ANAPC7: variants seen among roughly 807,000 people sequenced by gnomAD.
ANAPC7 encodes anaphase-promoting complex subunit 7.
A neutral mutation model predicts 63.3 loss-of-function variants in ANAPC7; 25 were observed. The observed-to-expected ratio is 0.39, with a 90% confidence interval of 0.29 to 0.55. The LOEUF (loss-of-function observed/expected upper bound fraction) is 0.55, where lower values mean the gene tolerates loss of function less well. Ranked by LOEUF, ANAPC7 falls within the 20% of genes least tolerant of loss-of-function variation. The pLI is 0.57. For synonymous variants in ANAPC7, 241 were observed against 251.7 expected (o/e 0.96, Z 0.40); for missense variants, 516 against 691.7 (o/e 0.75, Z 2.85).
rs189603285 is a variant in ANAPC7 at position 110,381,104 on chromosome 12, A to G, written c.1132+648T>C. Among the ~76,000 whole-genome samples the G allele has an allele frequency of 2.6e-5, 4 of 151,772 alleles. No individual in the cohort carries two copies. The East Asian group carries it at 5.8e-4, about 22-fold the overall frequency. ...CAACTATACCCTCACCAAAAACCAG[A>G]AAAAAAATCAGAAAAAATGGATTAT... On this transcript the variant is annotated intron_variant, in intron 8 of 10. Transcript: ENST00000455511.
At chr12:110,389,192 T>C (rs1485794058) in intron 3 of ANAPC7, among the ~76,000 whole-genome samples, 1 of 151,458 alleles carries the variant, frequency 6.6e-6, no homozygotes, top group Non-Finnish European at 1.5e-5. Flanking sequence ...GGCCCAGTAA[T>C]ATCTGAACAA....
At chr12:110,382,459 AAAATATATATATATATATAT>A (rs1210523559) in intron 7 of ANAPC7, among the ~76,000 whole-genome samples, 2 of 51,984 alleles carry the variant, frequency 3.8e-5, no homozygotes, top group Admixed American at 5.5e-4. Context: ...AAAAAAAAAA[AAAATATATATATATATATAT>A]ATATATATAT....
chr12:110,384,206 ATAAAATAAAATAAAG>A (rs995949328), intron 6 of ANAPC7, among the ~76,000 whole-genome samples: 27 of 151,916 alleles, frequency 1.8e-4, no homozygotes, highest in Admixed American at 7.2e-4. Context: ...TGTCTAAAAC[ATAAAATAAAATAAAG>A]TAAAATAAAA....
At chr12:110,402,165 G>T (rs1045061368) in intron 1 of ANAPC7, among the ~76,000 whole-genome samples, 2 of 151,876 alleles carry the variant, frequency 1.3e-5, no homozygotes, top group African/African-American at 4.8e-5. Context: ...ACAGAGCGAG[G>T]CTGTCTCAAA....
chr12:110,391,853 G>T (rs1883110289), intron 3 of ANAPC7, among the ~76,000 whole-genome samples: 1 of 152,130 alleles, frequency 6.6e-6, no homozygotes. Context: ...CCAGCACTTT[G>T]GGAGGCCAAG....
chr12:110,383,049 A>G (rs900543735), intron 6 of ANAPC7, 89 bp from the exon 7 acceptor site: 1 of 917,544 alleles, frequency 1.1e-6, no homozygotes. Flanking sequence ...ATCAGACCCC[A>G]TGCTGAGGCC....
Position 110,381,972 on chromosome 12 carries a change from A to C in ANAPC7, c.936-24T>G, listed in dbSNP as rs74361481. On this transcript the variant is annotated intron_variant, in intron 7 of 10. Transcript: ENST00000455511. ...AGCTGGAGAAAAAAAAAAAAAAAAA[A>C]ACACAAAAACCCCAGAAGTTATCCA... is the stretch of plus-strand genomic sequence containing the variant. 1,317 of 1,471,936 alleles carry C rather than the reference A, an allele frequency of 8.9e-4. 15 individuals are homozygous for C. The African/African-American group carries it at 0.017, about 19-fold the overall frequency. The allele number at this position is 1,471,936 out of a possible 1,614,324, so 91.2% of individuals were successfully genotyped here. A position where few individuals can be genotyped will look rare whatever the true frequency, so the allele number is the denominator to read the frequency against.
rs748963334 is a variant in ANAPC7 at position 110,374,143 on chromosome 12, C to T, written c.*1G>A. On this transcript the variant is annotated 3_prime_UTR_variant, in exon 11 of 11. Coordinates refer to ENST00000455511, the MANE Select transcript of ANAPC7 (RefSeq NM_016238.3). Reference sequence around the variant, plus strand: ...ACTGCGGCCATGGAGCTGCCGCCCCCTCACTGCATGCCGAACCACTGCTCC... The same window carrying T: ...ACTGCGGCCATGGAGCTGCCGCCCCTTCACTGCATGCCGAACCACTGCTCC... The T allele has an allele frequency of 6.2e-7, 1 of 1,607,694 alleles. No individual in the cohort carries two copies. Among genetic ancestry groups the T allele is most frequent in the Non-Finnish European group, 8.5e-7 (1 of 1,178,000 alleles).
intron 10 of ANAPC7, among the ~76,000 whole-genome samples, chr12:110,374,680 G>C (rs1190984493): frequency 6.6e-6 from 1 of 152,110 alleles, no homozygotes; most frequent in Non-Finnish European, 1.5e-5. Context: ...AATTCAAATG[G>C]AATTCCCAGA....
At chr12:110,394,993 A>C in intron 3 of ANAPC7, 108 bp downstream of exon 3, 1 of 1,326,916 alleles carries the variant, frequency 7.5e-7, no homozygotes, top group Non-Finnish European at 1.0e-6. Flanking sequence ...TGAGAATTAG[A>C]ATCATGGGTA....
At chr12:110,382,695 A>T in intron 7 of ANAPC7, 148 bp downstream of exon 7, 1 of 609,428 alleles carries the variant, frequency 1.6e-6, no homozygotes, top group Non-Finnish European at 2.7e-6. Flanking sequence ...TCAGTCTCCC[A>T]AAGTGTTGAG....
rs562414935 is a variant in ANAPC7, at chr12:110,396,375, C to G, written c.179G>C (p.Arg60Pro). The G allele has an allele frequency of 6.2e-7, 1 of 1,613,946 alleles. No homozygotes were observed. The highest frequency in any genetic ancestry group is 8.5e-7 in the Non-Finnish European group (1 of 1,179,956). ...CATGGTATACTTACTCACAGCATTC[C>G]GATATTCCTTATCATGAAAGAGAGA... ...ADSLFHDKEY[R>P]NAVSKYTMAL... is the part of the protein sequence containing the mutation. Residue 60 changes from arginine to proline, a missense_variant, in exon 2 of 11, where the codon CGG (arginine) becomes CCG (proline). By Grantham distance (103) the Arg-to-Pro change is moderately radical (BLOSUM62 -2). Around this residue, in one of 4 missense-constraint regions of ANAPC7, gnomAD observed 185 missense variants for 200.3 expected, o/e 0.92. Transcript: ENST00000455511.
At chr12:110,386,304 T>G in intron 6 of ANAPC7, 23 bp downstream of exon 6, 1 of 1,613,538 alleles carries the variant, frequency 6.2e-7, no homozygotes, top group South Asian at 1.1e-5. Context: ...AGCCACTGTC[T>G]TCCTGCCCCA....
intron 6 of ANAPC7, among the ~76,000 whole-genome samples, chr12:110,384,828 A>C (rs1015337860): frequency 1.3e-5 from 2 of 152,290 alleles, no homozygotes; most frequent in Admixed American, 1.3e-4. Flanking sequence ...GAAAAGGCCC[A>C]AAAAAGGCAT....
intron 3 of ANAPC7, 44 bp downstream of exon 3, chr12:110,395,057 G>A: frequency 6.3e-7 from 1 of 1,598,320 alleles, no homozygotes; most frequent in East Asian, 2.2e-5. Context: ...GAGGGAGCAG[G>A]GTTAGGAGAG....
intron 10 of ANAPC7, among the ~76,000 whole-genome samples, chr12:110,374,618 G>A (rs1011578709): frequency 1.3e-5 from 2 of 152,082 alleles, no homozygotes; most frequent in Admixed American, 1.3e-4. Context: ...TCTGCTAGAG[G>A]CGGCTACCAG....
chr12:110,381,660 G>T, intron 8 of ANAPC7, 92 bp downstream of exon 8: 1 of 1,278,998 alleles, frequency 7.8e-7, no homozygotes, highest in Non-Finnish European at 1.1e-6. Flanking sequence ...TTCTAACAGA[G>T]TTTGGGAAGT....
chr12:110,389,098 A>AAAAG (rs1555290972), intron 3 of ANAPC7, among the ~76,000 whole-genome samples: 3 of 145,868 alleles, frequency 2.1e-5, no homozygotes, highest in Non-Finnish European at 4.4e-5. Flanking sequence ...AAAAAAAAAA[A>AAAAG]AAAAGAAAAG....
chr12:110,381,973 A>T, intron 7 of ANAPC7, 25 bp from the exon 8 acceptor site: 2 of 1,385,282 alleles, frequency 1.4e-6, no homozygotes, highest in Non-Finnish European at 1.9e-6. Context: ...AAAAAAAAAA[A>T]CACAAAAACC....
Sources: allele counts gnomAD v4.1 joint callset (sites outside exome capture counted in the v4.1 genomes callset), GRCh38; gene constraint gnomAD v4.1.1; regional missense constraint gnomAD v4.1.1; transcripts MANE v1.5; gene names NCBI Gene and HGNC (gene_info 2026-07-23, HGNC 2026-07-21).